CPPED1: variants seen among roughly 807,000 people sequenced by gnomAD.
CPPED1 encodes serine/threonine-protein phosphatase CPPED1.
A neutral mutation model predicts 28.0 loss-of-function variants in CPPED1; 28 were observed. That is an observed-to-expected ratio of 1.00 (90% CI 0.74 to 1.37). CPPED1 has a LOEUF of 1.37. Among genes scored for constraint, CPPED1 ranks in the 40% most tolerant of loss-of-function variants. The pLI, the probability that CPPED1 is intolerant of heterozygous loss-of-function variation, is 0.00. For synonymous variants in CPPED1, 198 were observed against 180.2 expected (o/e 1.10, Z -0.79); for missense variants, 504 against 416.5 (o/e 1.21, Z -1.83).
chr16:12,682,281 C>T lies in CPPED1; in HGVS notation c.716-17166G>A, dbSNP rs1206864601. On this transcript the variant is annotated intron_variant, in intron 3 of 3. Transcript: ENST00000381774. This position sits in a 1 kb window ranked among gnomAD's most constrained non-coding sequence, Gnocchi z 6.1. ...AACTCCTGAACTCAGGTGATCGACCCACTTTGGTCTCCCAAAAGTGCTGAG... is the reference window on the plus strand; with the variant it reads ...AACTCCTGAACTCAGGTGATCGACCTACTTTGGTCTCCCAAAAGTGCTGAG... Among the ~76,000 whole-genome samples the T allele has an allele frequency of 2.0e-5, 3 of 152,128 alleles. No homozygotes were observed. The highest frequency in any genetic ancestry group is 7.2e-5 in the African/African-American group (3 of 41,416).
At chr16:12,683,229 T>A (rs942565323) in intron 3 of CPPED1, among the ~76,000 whole-genome samples, 3 of 152,134 alleles carry the variant, frequency 2.0e-5, no homozygotes, top group African/African-American at 7.2e-5. Flanking sequence ...CAGGCGATGA[T>A]CCCTTAAAGA....
At chr16:12,733,274 A>ATT (rs11463007) in intron 2 of CPPED1, among the ~76,000 whole-genome samples, 2,867 of 139,250 alleles carry the variant, frequency 0.021, 51 homozygotes, top group African/African-American at 0.029. Flanking sequence ...CGAATTAGGA[A>ATT]TTTTTTTTTT....
chr16:12,742,323 C>T (rs1286430528), intron 2 of CPPED1, among the ~76,000 whole-genome samples: 4 of 152,048 alleles, frequency 2.6e-5, no homozygotes, highest in African/African-American at 7.3e-5. Flanking sequence ...GTATGAGGAG[C>T]CCGTGAAATA....
At chr16:12,688,799 A>G (rs549796469) in intron 3 of CPPED1, among the ~76,000 whole-genome samples, 32 of 152,344 alleles carry the variant, frequency 2.1e-4, no homozygotes, top group African/African-American at 7.5e-4. Context: ...ATGTGCTGTC[A>G]AAGTTAAAAG....
At chr16:12,698,235 G>C (rs1398575071) in intron 3 of CPPED1, among the ~76,000 whole-genome samples, 1 of 152,068 alleles carries the variant, frequency 6.6e-6, no homozygotes, top group South Asian at 2.1e-4. Flanking sequence ...ACCTATTGGG[G>C]GGCTACTATA....
At chr16:12,792,691 T>A (rs2080603831) in intron 1 of CPPED1, among the ~76,000 whole-genome samples, 1 of 152,148 alleles carries the variant, frequency 6.6e-6, no homozygotes, top group African/African-American at 2.4e-5. Context: ...GTCTTTCCCA[T>A]GCTGTTCGCA....
At chr16:12,730,394 A>C (rs2080191273) in intron 2 of CPPED1, among the ~76,000 whole-genome samples, 1 of 152,190 alleles carries the variant, frequency 6.6e-6, no homozygotes, top group Non-Finnish European at 1.5e-5. Context: ...GTATTTGCCA[A>C]AGACAAACCC....
chr16:12,684,101 G>C (rs1311906866), intron 3 of CPPED1, among the ~76,000 whole-genome samples: 1 of 152,180 alleles, frequency 6.6e-6, no homozygotes, highest in Admixed American at 6.5e-5. Flanking sequence ...ACAGCTGCAT[G>C]GGGGTCTGGA....
intron 2 of CPPED1, among the ~76,000 whole-genome samples, chr16:12,765,978 C>G (rs747647129): frequency 1.3e-5 from 2 of 151,956 alleles, no homozygotes; most frequent in Admixed American, 6.6e-5. Flanking sequence ...GCAAAATGTT[C>G]TAACTCCAGG....
At chr16:12,672,383 C>A (rs1021122418) in intron 3 of CPPED1, among the ~76,000 whole-genome samples, 1 of 152,090 alleles carries the variant, frequency 6.6e-6, no homozygotes, top group South Asian at 2.1e-4. Flanking sequence ...ATCACAGTAC[C>A]GTTAGTAATG....
chr16:12,699,223 G>A (rs1733578970), intron 3 of CPPED1, among the ~76,000 whole-genome samples: 1 of 152,176 alleles, frequency 6.6e-6, no homozygotes, highest in African/African-American at 2.4e-5. Flanking sequence ...TTATCCTCAC[G>A]CAGGTGAAAT....
intron 3 of CPPED1, among the ~76,000 whole-genome samples, chr16:12,677,089 A>G (rs987043130): frequency 6.6e-6 from 1 of 152,208 alleles, no homozygotes; most frequent in African/African-American, 2.4e-5. Flanking sequence ...AGCAGGCACC[A>G]AACGTAAAGG....
In CPPED1 at chr16:12,670,327, A is replaced by G. The variant is rs146377708; in HGVS notation, c.716-5212T>C. On this transcript the variant is annotated intron_variant, in intron 3 of 3. Coordinates refer to ENST00000381774, the MANE Select transcript of CPPED1 (RefSeq NM_018340.3). The surrounding 1 kb of genome is among the most constrained non-coding windows in gnomAD (Gnocchi z 4.2). ...ACAAATAAAAACTTTGCAAGACCAT[A>G]ATAATAAACTACTGAATAAATAAAT... 4.1e-4 allele frequency among the ~76,000 whole-genome samples: 63 copies of G among 152,256 alleles called. No individual in the cohort carries two copies. Among genetic ancestry groups the G allele is most frequent in the African/African-American group, 1.5e-3 (61 of 41,546 alleles).
intron 1 of CPPED1, among the ~76,000 whole-genome samples, chr16:12,797,388 A>C (rs1374198845): frequency 6.6e-6 from 1 of 152,152 alleles, no homozygotes; most frequent in Non-Finnish European, 1.5e-5. Flanking sequence ...GTCTCTACAA[A>C]AAATATAAAA....
intron 3 of CPPED1, among the ~76,000 whole-genome samples, chr16:12,699,329 C>T (rs1270795829): frequency 6.6e-6 from 1 of 152,102 alleles, no homozygotes; most frequent in East Asian, 1.9e-4. Context: ...GTTTTTGTAT[C>T]ATACAAAGAC....
intron 2 of CPPED1, among the ~76,000 whole-genome samples, chr16:12,773,025 C>A (rs1014507738): frequency 5.9e-5 from 9 of 152,194 alleles, no homozygotes; most frequent in African/African-American, 2.2e-4. Context: ...AGTTTTGCCA[C>A]CAGCTTAGTT....
At chr16:12,743,842 A>C (rs1371778708) in intron 2 of CPPED1, among the ~76,000 whole-genome samples, 1 of 152,046 alleles carries the variant, frequency 6.6e-6, no homozygotes, top group African/African-American at 2.4e-5. Context: ...CATCTCTACA[A>C]AAAAATACAA....
At position 12,664,850 on chromosome 16, in the gene CPPED1, G is replaced by C. The variant is rs1280007722; in HGVS notation, c.*36C>G. The stretch of plus-strand genomic sequence containing the variant: ...CTGTTTCTGGCAAAATAAAAAAATA[G>C]TGCAAGTGAAAAGTGAACGGGAACG... On this transcript the variant is annotated 3_prime_UTR_variant, in exon 4 of 4. Transcript: ENST00000381774. The surrounding 1 kb of genome is among the most constrained non-coding windows in gnomAD (Gnocchi z 4.2). 6.2e-7 allele frequency: 1 copy of C among 1,607,716 alleles called. No homozygotes were observed.
chr16:12,800,085 C>A (rs116259287), intron 1 of CPPED1, among the ~76,000 whole-genome samples: 100 of 152,184 alleles, frequency 6.6e-4, no homozygotes, highest in Middle Eastern at 6.8e-3. Context: ...AGCACTCCCA[C>A]CATCTCCACT....
Sources: gnomAD v4.1 joint callset for allele counts (sites outside exome capture counted in the v4.1 genomes callset) on GRCh38, gnomAD v4.1.1 for gene constraint, Gnocchi (gnomAD v3.1) non-coding constraint, MANE v1.5 for transcripts, NCBI Gene and HGNC (gene_info 2026-07-23, HGNC 2026-07-21) for gene names.